Variants in NPSR1 observed in about 807,000 individuals in gnomAD.
NPSR1 encodes neuropeptide S receptor.
A neutral mutation model predicts 46.9 loss-of-function variants in NPSR1; 48 were observed. The ratio of observed to expected loss-of-function variants is 1.02; its 90% CI spans 0.81 to 1.30. The LOEUF is 1.30. Among genes scored for constraint, NPSR1 ranks in the 50% most tolerant of loss-of-function variants. The pLI is 0.00. For missense variants in NPSR1, 450 were observed against 449.5 expected (o/e 1.00, Z -0.01); for synonymous variants, 176 against 168.1 (o/e 1.05, Z -0.36).
intron 3 of NPSR1, among the ~76,000 whole-genome samples, chr7:34,798,526 C>T: frequency 6.6e-6 from 1 of 152,078 alleles, no homozygotes; most frequent in Admixed American, 6.6e-5. Context: ...CAGAGTGAGA[C>T]TCTGTCTAAG....
chr7:34,680,396 T>C (rs962580547), intron 1 of NPSR1, among the ~76,000 whole-genome samples: 1 of 152,122 alleles, frequency 6.6e-6, no homozygotes, highest in East Asian at 1.9e-4. Flanking sequence ...TCATTTAAAA[T>C]AGAAATTTTA....
At chr7:34,739,915 T>G (rs1347260681) in intron 2 of NPSR1, among the ~76,000 whole-genome samples, 1 of 152,152 alleles carries the variant, frequency 6.6e-6, no homozygotes, top group Non-Finnish European at 1.5e-5. Context: ...TAAGAGAGCA[T>G]CAGCTGTGGT....
intron 3 of NPSR1, among the ~76,000 whole-genome samples, chr7:34,782,646 T>C (rs1787280165): frequency 6.6e-6 from 1 of 152,184 alleles, no homozygotes; most frequent in South Asian, 2.1e-4. Context: ...GTTTTGTTGA[T>C]GTTTATCTTT....
At chr7:34,826,795 C>T (rs6462580) in intron 4 of NPSR1, among the ~76,000 whole-genome samples, 5,292 of 151,744 alleles carry the variant, frequency 0.035, 304 homozygotes, top group African/African-American at 0.12. Context: ...GACATAGCTA[C>T]CAGGTTTCTG....
intron 2 of NPSR1, among the ~76,000 whole-genome samples, chr7:34,718,100 ATTAAG>A (rs969821079): frequency 3.3e-5 from 5 of 152,382 alleles, no homozygotes; most frequent in African/African-American, 7.2e-5. Context: ...GAGGATGCAG[ATTAAG>A]TTATCTCTAC....
chr7:34,691,459 T>G (rs1232015144), intron 2 of NPSR1, among the ~76,000 whole-genome samples: 3 of 152,132 alleles, frequency 2.0e-5, no homozygotes, highest in African/African-American at 4.8e-5. Context: ...ATCTGCTACC[T>G]ACAAGATATC....
At chr7:34,709,159 G>A (rs936501566) in intron 2 of NPSR1, among the ~76,000 whole-genome samples, 6 of 152,026 alleles carry the variant, frequency 3.9e-5, no homozygotes, top group African/African-American at 7.2e-5. Context: ...AGAATTTGGC[G>A]GCCTCATTAC....
intron 5 of NPSR1, among the ~76,000 whole-genome samples, chr7:34,830,190 A>G (rs936334998): frequency 6.6e-6 from 1 of 152,088 alleles, no homozygotes; most frequent in Non-Finnish European, 1.5e-5. Flanking sequence ...TTCTGTCTTT[A>G]TTACCTATAT....
chr7:34,848,522 T>C lies in NPSR1; in HGVS notation c.884T>C (p.Ile295Thr). Residue 295 changes from isoleucine (I) to threonine (T), a missense_variant, in exon 8 of 9, where the codon ATT becomes ACT. Physicochemically the swap from Ile to Thr is moderately conservative, Grantham distance 89. Transcript: ENST00000360581. ...CCWSPYFLFD[I>T]LDNFNLLPDT... ...TGGAGTCCATACTTCCTGTTTGACA[T>C]TTTGGACAATTTCAACCTCCTTCCA... 1 of 1,614,186 alleles carries C rather than the reference T, an allele frequency of 6.2e-7. No homozygotes were observed. The highest frequency in any genetic ancestry group is 1.1e-5 in the South Asian group (1 of 91,086).
chr7:34,707,405 T>C (rs323920), intron 2 of NPSR1, among the ~76,000 whole-genome samples: 73,096 of 152,010 alleles, frequency 0.48, 18,374 homozygotes, highest in African/African-American at 0.62. Flanking sequence ...TTCTGGCCCA[T>C]GCAGAAGGAA....
chr7:34,725,041 G>T (rs1367430869), intron 2 of NPSR1, among the ~76,000 whole-genome samples: 3 of 150,900 alleles, frequency 2.0e-5, no homozygotes, highest in African/African-American at 7.3e-5. Context: ...ACATGGAAAA[G>T]GAGCAAAAAA....
intron 4 of NPSR1, among the ~76,000 whole-genome samples, chr7:34,825,210 C>T (rs1339307574): frequency 1.3e-5 from 2 of 152,238 alleles, no homozygotes; most frequent in Non-Finnish European, 2.9e-5. Flanking sequence ...CTCTGTTTCT[C>T]TGATGCTCAT....
At chr7:34,701,279 T>A (rs1793817148) in intron 2 of NPSR1, among the ~76,000 whole-genome samples, 1 of 152,130 alleles carries the variant, frequency 6.6e-6, no homozygotes, top group South Asian at 2.1e-4. Context: ...CCATATATCC[T>A]CTCCCTGGGA....
chr7:34,741,050 G>A (rs1433635004), intron 2 of NPSR1, among the ~76,000 whole-genome samples: 2 of 152,174 alleles, frequency 1.3e-5, no homozygotes, highest in Admixed American at 1.3e-4. Flanking sequence ...GAAACCTACT[G>A]TCAATCTTAT....
chr7:34,780,445 A>G (rs188273718), intron 3 of NPSR1, among the ~76,000 whole-genome samples: 3 of 152,310 alleles, frequency 2.0e-5, no homozygotes, highest in Admixed American at 6.5e-5. Flanking sequence ...CATAGGGAAA[A>G]CGATAGAGAA....
At chr7:34,735,188 G>C (rs970838774) in intron 2 of NPSR1, among the ~76,000 whole-genome samples, 7 of 152,196 alleles carry the variant, frequency 4.6e-5, no homozygotes, top group Admixed American at 4.6e-4. Flanking sequence ...AAAAACAACA[G>C]ATGATGACTA....
chr7:34,807,061 A>C (rs1486990964), intron 3 of NPSR1, among the ~76,000 whole-genome samples: 2 of 152,082 alleles, frequency 1.3e-5, no homozygotes, highest in African/African-American at 4.8e-5. Flanking sequence ...TGATGTGTAG[A>C]GTTTTCATTG....
At chr7:34,807,373 ATTC>A (rs1378405837) in intron 3 of NPSR1, among the ~76,000 whole-genome samples, 3 of 151,732 alleles carry the variant, frequency 2.0e-5, no homozygotes, top group Admixed American at 6.6e-5. Flanking sequence ...ATTTTTGTTT[ATTC>A]TTCTGTAAAA....
intron 3 of NPSR1, among the ~76,000 whole-genome samples, chr7:34,794,732 G>C (rs1371728282): frequency 7.2e-5 from 11 of 151,984 alleles, no homozygotes; most frequent in Non-Finnish European, 1.6e-4. Flanking sequence ...CAAAAATATT[G>C]CAAGGAAAAA....
Sources: allele counts gnomAD v4.1 joint callset (sites outside exome capture counted in the v4.1 genomes callset), GRCh38; gene constraint gnomAD v4.1.1; transcripts MANE v1.5; gene names NCBI Gene and HGNC (gene_info 2026-07-23, HGNC 2026-07-21).